PROX2: variants seen among roughly 807,000 people sequenced by gnomAD.
PROX2 encodes the protein prospero homeobox 2, also known as prospero homeobox protein 2.
PROX2 carries 46 observed loss-of-function variants against 48.9 expected under a neutral mutation model. The ratio of observed to expected loss-of-function variants is 0.94; its 90% CI spans 0.74 to 1.20. The LOEUF (loss-of-function observed/expected upper bound fraction) is 1.20. PROX2 is among the 50% of genes most tolerant of loss of function. The probability of loss-of-function intolerance (pLI) is 0.00; values close to 1 mark genes in which losing one functional copy is unlikely to be tolerated. For synonymous variants in PROX2, 260 were observed against 276.6 expected (o/e 0.94, Z 0.60); for missense variants, 663 against 719.4 (o/e 0.92, Z 0.90).
intron 2 of PROX2, among the ~76,000 whole-genome samples, chr14:74,869,147 A>G (rs558635576): frequency 6.6e-6 from 1 of 152,350 alleles, no homozygotes; most frequent in African/African-American, 2.4e-5. Context: ...TTTGGGGACT[A>G]CATTTCTAGA....
chr14:74,866,748 AAGG>A (rs1423786507), intron 2 of PROX2, among the ~76,000 whole-genome samples: 1 of 152,230 alleles, frequency 6.6e-6, no homozygotes, highest in Non-Finnish European at 1.5e-5. Context: ...CAACTCTTTC[AAGG>A]AGTTTTGTAA....
intron 2 of PROX2, among the ~76,000 whole-genome samples, chr14:74,867,776 C>T (rs1265246663): frequency 6.6e-6 from 1 of 152,062 alleles, no homozygotes; most frequent in African/African-American, 2.4e-5. Context: ...TCTGAGGTTC[C>T]GTGTAGTCTG....
chr14:74,873,870 G>A (rs1883275079), intron 1 of PROX2: 6 of 445,448 alleles, frequency 1.3e-5, no homozygotes, highest in South Asian at 8.4e-5. Flanking sequence ...CTGTAGTGGT[G>A]GAATGCTTAG....
At chr14:74,859,527 C>G (rs2091778952) in intron 3 of PROX2, 1 of 152,212 alleles carries the variant, frequency 6.6e-6, no homozygotes, top group Non-Finnish European at 1.5e-5. Context: ...CAGATTCCTT[C>G]CCCTTTAACA....
rs4026383 is a variant in PROX2, at chr14:74,868,313, TTATATATATATATATATATATATATATA to T, written c.-175+2762_-175+2789del. Reference sequence around the variant, plus strand: ...CAGAGAAGTTTATAATTTCTCGTAATTATATATATATATATATATATATATATATATATATATATATATATATAAACAA... The same window carrying T: ...CAGAGAAGTTTATAATTTCTCGTAATTATATATATATATATATATAAACAA... On this transcript the variant is annotated intron_variant, in intron 2 of 5. Coordinates refer to ENST00000556489, the MANE Select transcript of PROX2 (RefSeq NM_001243007.2). 2.7e-3 allele frequency among the ~76,000 whole-genome samples: 143 copies of T among 53,794 alleles called. 3 individuals are homozygous for T. The highest frequency in any genetic ancestry group is 7.0e-3 in the African/African-American group (120 of 17,242). 35.3% of individuals were successfully genotyped at this position (53,794 alleles called of 152,430 possible).
intron 2 of PROX2, among the ~76,000 whole-genome samples, chr14:74,867,683 C>T (rs539114139): frequency 1.4e-4 from 21 of 152,176 alleles, no homozygotes; most frequent in Admixed American, 2.0e-4. Context: ...GAAAGACAGA[C>T]GGGTAGATAG....
chr14:74,858,145 CT>C (rs2091761260), intron 4 of PROX2: 1 of 325,088 alleles, frequency 3.1e-6, no homozygotes, highest in African/African-American at 2.1e-5. Flanking sequence ...TTTCCCTCTA[CT>C]TTTCCTGCCC....
At chr14:74,870,461 C>CACACACACACACACACAG (rs1883184885) in intron 2 of PROX2, among the ~76,000 whole-genome samples, 1 of 150,400 alleles carries the variant, frequency 6.6e-6, no homozygotes, top group Non-Finnish European at 1.5e-5. Flanking sequence ...CACACACACA[C>CACACACACACACACACAG]ACACACACGC....
rs374045919 is a variant in PROX2, at chr14:74,862,594, G to A, written c.1241C>T (p.Ser414Leu). ...CAGGCCTCTCTGTTCCATCTTCACC[G>A]AGGGAAGAAGGGGTAGACTTTCCAG... ...AHLESLPLLP[S>L]VKMEQRGLHA... The change falls in exon 3 of 6, where the codon TCG becomes TTG. Residue 414 changes from serine to leucine, a missense_variant. Transcript: ENST00000556489. 4 of 1,613,818 alleles carry A rather than the reference G, an allele frequency of 2.5e-6. No homozygotes were observed. The highest frequency in any genetic ancestry group is 2.2e-5 in the East Asian group (1 of 44,890).
intron 2 of PROX2, among the ~76,000 whole-genome samples, chr14:74,870,038 C>T (rs969920829): frequency 1.3e-5 from 2 of 151,862 alleles, no homozygotes; most frequent in South Asian, 2.1e-4. Flanking sequence ...ATTATGCAAC[C>T]GTTTTGAAAA....
In PROX2 at chr14:74,853,605, T is replaced by A. The variant is rs982564207; in HGVS notation, c.*1527A>T. 6.6e-6 allele frequency: 1 copy of A among 152,074 alleles called. No homozygotes were observed. The highest frequency in any genetic ancestry group is 2.4e-5 in the African/African-American group (1 of 41,382). 9.4% of individuals were successfully genotyped at this position (152,074 alleles called of 1,614,324 possible). A position where few individuals can be genotyped will look rare whatever the true frequency, so the allele number is the denominator to read the frequency against. On this transcript the variant is annotated 3_prime_UTR_variant, in exon 6 of 6. Transcript: ENST00000556489. ...TTTATGCTGATAGTTCTAGTAATAG[T>A]TTAGGGATTTTATCTCATCTGCTCC...
At chr14:74,872,721 G>T (rs760721466) in intron 1 of PROX2, among the ~76,000 whole-genome samples, 2 of 152,128 alleles carry the variant, frequency 1.3e-5, no homozygotes, top group Non-Finnish European at 2.9e-5. Flanking sequence ...ATGATGAGAG[G>T]CCCCCTGCAC....
intron 3 of PROX2, chr14:74,861,347 A>G: frequency 1.5e-6 from 1 of 654,802 alleles, no homozygotes; most frequent in South Asian, 1.5e-5. Flanking sequence ...GTTCTGCAAG[A>G]TGCTTGTTAG....
At chr14:74,861,254 C>T (rs1483568590) in intron 3 of PROX2, 3 of 1,349,994 alleles carry the variant, frequency 2.2e-6, no homozygotes, top group Non-Finnish European at 2.9e-6. Context: ...TGGAGATTCC[C>T]CTCAAAGCTG....
rs377153727 is a variant in PROX2, at chr14:74,862,697, G to T, written c.1138C>A (p.Arg380=). 6.2e-7 allele frequency: 1 copy of T among 1,614,000 alleles called. No homozygotes were observed. Among genetic ancestry groups the T allele is most frequent in the Non-Finnish European group, 8.5e-7 (1 of 1,179,880 alleles). The change falls in exon 3 of 6, where the codon CGA becomes AGA. Residue 380 remains arginine (R), a synonymous_variant. Coordinates refer to ENST00000556489, the MANE Select transcript of PROX2 (RefSeq NM_001243007.2). ...TGCGGCTTAGTAGTTCTCCAAGGTC[G>T]TAGGGCAGGCTCTGAGGAGGGGTGC... ...QRHPSSEPAL[R]PWRTTKPQPL...
intron 1 of PROX2, among the ~76,000 whole-genome samples, chr14:74,874,496 C>A (rs993789809): frequency 1.3e-5 from 2 of 151,826 alleles, no homozygotes; most frequent in Non-Finnish European, 2.9e-5. Context: ...CGTAATCCAC[C>A]CACCTCGGCC....
intron 2 of PROX2, among the ~76,000 whole-genome samples, chr14:74,865,585 G>A (rs886333036): frequency 1.3e-5 from 2 of 152,234 alleles, no homozygotes; most frequent in African/African-American, 4.8e-5. Context: ...GCTCACGCCT[G>A]TAATCCCAGC....
At chr14:74,873,046 C>T (rs1374958473) in intron 1 of PROX2, among the ~76,000 whole-genome samples, 2 of 151,972 alleles carry the variant, frequency 1.3e-5, no homozygotes, top group Non-Finnish European at 2.9e-5. Flanking sequence ...AGTGCAGTGG[C>T]GATCTTGGCT....
At chr14:74,859,282 G>A (rs1232886314) in intron 3 of PROX2, 6 of 152,188 alleles carry the variant, frequency 3.9e-5, no homozygotes, top group African/African-American at 1.4e-4. Context: ...TGTACAAACT[G>A]TTGCAGCGAT....
Sources: allele counts gnomAD v4.1 joint callset (sites outside exome capture counted in the v4.1 genomes callset), GRCh38; gene constraint gnomAD v4.1.1; transcripts MANE v1.5; gene names NCBI Gene and HGNC (gene_info 2026-07-23, HGNC 2026-07-21).